The following ZBTB7C variants were observed in gnomAD, a reference collection of about 807,000 sequenced individuals.
ZBTB7C encodes zinc finger and BTB domain-containing protein 7C.
A neutral mutation model predicts 25.7 loss-of-function variants in ZBTB7C; 8 were observed. That is an observed-to-expected ratio of 0.31 (90% CI 0.18 to 0.56). The LOEUF is 0.56. Among genes scored for constraint, ZBTB7C ranks in the 20% least tolerant of loss-of-function variants. ZBTB7C has a pLI of 0.91. For missense variants in ZBTB7C, 824 were observed against 855.2 expected, an observed-to-expected ratio of 0.96 and a Z score of 0.46; for synonymous variants, 394 against 369.0, an observed-to-expected ratio of 1.07 and a Z score of -0.78.
chr18:48,312,968 A>G (rs936930933), intron 2 of ZBTB7C, among the ~76,000 whole-genome samples: 1 of 152,204 alleles, frequency 6.6e-6, no homozygotes, highest in Admixed American at 6.5e-5. Context: ...GCTAAATGTA[A>G]TAGTTCTTCA....
At chr18:48,385,622 C>A (rs2047730048) in intron 1 of ZBTB7C, among the ~76,000 whole-genome samples, 1 of 152,234 alleles carries the variant, frequency 6.6e-6, no homozygotes, top group African/African-American at 2.4e-5. Context: ...AACGCATGCA[C>A]CATTCAGAGT....
chr18:48,125,493 C>T (rs1245666807), intron 3 of ZBTB7C, among the ~76,000 whole-genome samples: 1 of 152,236 alleles, frequency 6.6e-6, no homozygotes, highest in Non-Finnish European at 1.5e-5. Context: ...ATGGACAGCC[C>T]TCTGTGCCAT....
chr18:48,297,403 C>T lies in ZBTB7C; in HGVS notation c.-79+40771G>A, dbSNP rs111942292. On this transcript the variant is annotated intron_variant, in intron 2 of 4. Coordinates refer to ENST00000590800, the MANE Select transcript of ZBTB7C (RefSeq NM_001318841.2). ...AAGTCCCTGAGGGCCCGTTTCTGGT[C>T]CCACTCCCCACTGCCCTTCCCTGGA... 6.2e-4 allele frequency among the ~76,000 whole-genome samples: 95 copies of T among 152,230 alleles called. 1 individual carries two copies. The highest frequency in any genetic ancestry group is 2.2e-3 in the African/African-American group (91 of 41,516).
intron 2 of ZBTB7C, among the ~76,000 whole-genome samples, chr18:48,234,722 T>G (rs117046873): frequency 0.011 from 1,625 of 152,306 alleles, 9 homozygotes; most frequent in Non-Finnish European, 0.016. Context: ...CTTCATTGCC[T>G]TTTTCAAATC....
At chr18:48,361,216 AC>A (rs910962360) in intron 1 of ZBTB7C, among the ~76,000 whole-genome samples, 1 of 152,160 alleles carries the variant, frequency 6.6e-6, no homozygotes, top group African/African-American at 2.4e-5. Flanking sequence ...ACAGAACACA[AC>A]CGCTTTATGC....
At chr18:48,404,174 C>T (rs1482719061) in intron 1 of ZBTB7C, among the ~76,000 whole-genome samples, 2 of 152,170 alleles carry the variant, frequency 1.3e-5, no homozygotes, top group Non-Finnish European at 2.9e-5. Flanking sequence ...ATTGCTTGAA[C>T]CCAGGAGGCG....
chr18:48,193,995 G>A (rs1599075515), intron 2 of ZBTB7C, among the ~76,000 whole-genome samples: 1 of 152,362 alleles, frequency 6.6e-6, no homozygotes, highest in Non-Finnish European at 1.5e-5. Flanking sequence ...TTCAGTCATT[G>A]CTCTGGGGTG....
At chr18:48,321,447 C>T (rs138711527) in intron 2 of ZBTB7C, among the ~76,000 whole-genome samples, 3 of 152,214 alleles carry the variant, frequency 2.0e-5, no homozygotes, top group East Asian at 1.9e-4. Context: ...TTTGCAGGAC[C>T]GCCTCGCAGC....
chr18:48,293,310 C>T (rs1003677291), intron 2 of ZBTB7C, among the ~76,000 whole-genome samples: 1 of 152,194 alleles, frequency 6.6e-6, no homozygotes, highest in Admixed American at 6.5e-5. Flanking sequence ...CCTCTTTTTA[C>T]AAGAACATTC....
intron 2 of ZBTB7C, among the ~76,000 whole-genome samples, chr18:48,267,460 G>A (rs948802730): frequency 2.0e-5 from 3 of 152,174 alleles, no homozygotes; most frequent in African/African-American, 7.2e-5. Flanking sequence ...GTCTTTTCAC[G>A]ACTGGGTCTT....
chr18:48,041,746 T>TA lies in ZBTB7C; in HGVS notation c.-16-624dup, dbSNP rs398120440. 6.1e-3 allele frequency among the ~76,000 whole-genome samples: 913 copies of TA among 149,582 alleles called. 3 individuals carry two copies. The highest frequency in any genetic ancestry group is 9.2e-3 in the Non-Finnish European group (617 of 67,234). On this transcript the variant is annotated intron_variant, in intron 3 of 4. Coordinates refer to ENST00000590800, the MANE Select transcript of ZBTB7C (RefSeq NM_001318841.2). Reference sequence around the variant, plus strand: ...CATTTGTAAATCTTGATCCTTTTTTTAAAAAAAAAACACTAACTTCCTATA... The same window carrying TA: ...CATTTGTAAATCTTGATCCTTTTTTTAAAAAAAAAAACACTAACTTCCTATA...
intron 3 of ZBTB7C, among the ~76,000 whole-genome samples, chr18:48,107,041 A>T (rs1051023530): frequency 4.0e-5 from 6 of 150,818 alleles, no homozygotes; most frequent in African/African-American, 1.5e-4. Context: ...AAATATCAGG[A>T]TGCGGAGTTT....
chr18:48,133,984 C>T (rs1488077717), intron 3 of ZBTB7C, among the ~76,000 whole-genome samples: 3 of 152,032 alleles, frequency 2.0e-5, no homozygotes, highest in South Asian at 2.1e-4. Context: ...TGGGTGCTCA[C>T]GGCCCTTATC....
At chr18:48,171,409 C>G (rs1459466660) in intron 3 of ZBTB7C, among the ~76,000 whole-genome samples, 1 of 152,366 alleles carries the variant, frequency 6.6e-6, no homozygotes, top group African/African-American at 2.4e-5. Context: ...GCCCTCACTT[C>G]CCCTACCTAG....
chr18:48,193,051 C>T (rs963760841), intron 2 of ZBTB7C, among the ~76,000 whole-genome samples: 3 of 152,208 alleles, frequency 2.0e-5, no homozygotes, highest in Admixed American at 6.5e-5. Flanking sequence ...TCCCAGGCCC[C>T]ACGCTGGGGA....
intron 3 of ZBTB7C, among the ~76,000 whole-genome samples, chr18:48,083,421 G>A (rs566749094): frequency 1.3e-5 from 2 of 151,584 alleles, no homozygotes; most frequent in Non-Finnish European, 2.9e-5. Flanking sequence ...TTAGCCCCTC[G>A]TCCCCTGCCT....
At chr18:48,057,685 C>A (rs1458574881) in intron 3 of ZBTB7C, among the ~76,000 whole-genome samples, 1 of 152,208 alleles carries the variant, frequency 6.6e-6, no homozygotes, top group Non-Finnish European at 1.5e-5. Context: ...CCTTCTTTTA[C>A]AGACTTCTAA....
At chr18:48,359,125 C>T (rs1024725197) in intron 1 of ZBTB7C, among the ~76,000 whole-genome samples, 1 of 152,158 alleles carries the variant, frequency 6.6e-6, no homozygotes, top group Admixed American at 6.5e-5. Context: ...GACCCCAGCC[C>T]CCAACAAAGG....
At chr18:48,077,372 C>T (rs891744610) in intron 3 of ZBTB7C, among the ~76,000 whole-genome samples, 1 of 152,112 alleles carries the variant, frequency 6.6e-6, no homozygotes, top group Non-Finnish European at 1.5e-5. Context: ...CTTAAAAACA[C>T]CCTACTGGTG....
Sources: gnomAD v4.1 joint callset for allele counts (sites outside exome capture counted in the v4.1 genomes callset) on GRCh38, gnomAD v4.1.1 for gene constraint, MANE v1.5 for transcripts, NCBI Gene and HGNC (gene_info 2026-07-23, HGNC 2026-07-21) for gene names.